The following ATP6V0E2 variants were observed in gnomAD, a reference collection of about 807,000 sequenced individuals.
ATP6V0E2 encodes the protein V-type proton ATPase subunit e 2.
A neutral mutation model predicts 11.5 loss-of-function variants in ATP6V0E2; 4 were observed. The observed-to-expected ratio is 0.35, with a 90% CI of 0.17 to 0.80. The LOEUF (loss-of-function observed/expected upper bound fraction) is 0.80, where lower values mean the gene tolerates loss of function less well. ATP6V0E2 is among the 30% of genes least tolerant of loss of function. The pLI is 0.53. For synonymous variants in ATP6V0E2, 52 were observed against 51.0 expected (o/e 1.02, Z -0.09); for missense variants, 93 against 113.5 (o/e 0.82, Z 0.82).
chr7:149,876,852 C>G (rs993175311), intron 2 of ATP6V0E2, among the ~76,000 whole-genome samples: 1 of 152,202 alleles, frequency 6.6e-6, no homozygotes, highest in Non-Finnish European at 1.5e-5. Context: ...GATGCTCATT[C>G]TTTAAGAGGT....
chr7:149,873,892 T>C (rs375739380), upstream of ATP6V0E2: 104 of 1,494,828 alleles, frequency 7.0e-5, no homozygotes, highest in African/African-American at 1.1e-3. Context: ...AGGTCCTGAG[T>C]GACAGCGCGG....
chr7:149,874,507 T>A, intron 1 of ATP6V0E2: 1 of 254,012 alleles, frequency 3.9e-6, no homozygotes, highest in East Asian at 8.8e-5. Flanking sequence ...ATATCAAGTC[T>A]CAGTTTCTTC....
At position 149,879,823 on chromosome 7, in the gene ATP6V0E2, T is replaced by A; in HGVS notation, c.*508T>A. 1 of 520,136 alleles carries A rather than the reference T, an allele frequency of 1.9e-6. No homozygotes were observed. Among genetic ancestry groups the A allele is most frequent in the Non-Finnish European group, 3.0e-6 (1 of 329,938 alleles). The allele number at this position is 520,136 out of a possible 1,614,324, so 32.2% of individuals were successfully genotyped here. On this transcript the variant is annotated 3_prime_UTR_variant, in exon 4 of 4. Transcript: ENST00000425642. The stretch of plus-strand genomic sequence containing the variant: ...GGCCTTTTCTCTGGCATGGAATTGT[T>A]AATTTTCTGACACGTCTAGATGTGA...
rs995721384 is a variant in ATP6V0E2, at chr7:149,879,768, C to A, written c.*453C>A. ...AGCTCTGCCACCATCCTGCTGGGAA[C>A]TGGGGGGGCCTCTATTGGGTTATAG... On this transcript the variant is annotated 3_prime_UTR_variant, in exon 4 of 4. Coordinates refer to ENST00000425642, the MANE Select transcript of ATP6V0E2 (RefSeq NM_145230.4). 2 of 991,762 alleles carry A rather than the reference C, an allele frequency of 2.0e-6. No homozygotes were observed. The highest frequency in any genetic ancestry group is 1.3e-6 in the Non-Finnish European group (1 of 743,742). The allele number at this position is 991,762 out of a possible 1,614,324, so 61.4% of individuals were successfully genotyped here.
upstream of ATP6V0E2, chr7:149,873,188 G>C (rs190728024): frequency 6.6e-6 from 1 of 152,262 alleles, no homozygotes; most frequent in Non-Finnish European, 1.5e-5. Context: ...CAGCAACCTT[G>C]TAAGAAGGGC....
upstream of ATP6V0E2, chr7:149,873,956 G>GTGCTCGACTCCTGTTGCGCA: frequency 6.5e-7 from 1 of 1,544,760 alleles, no homozygotes. Context: ...ATCGCTTCGG[G>GTGCTCGACTCCTGTTGCGCA]TGCTCGACTC....
chr7:149,879,163 C>T (rs552765835), intron 3 of ATP6V0E2, 172 bp from the exon 4 acceptor site: 2 of 1,401,064 alleles, frequency 1.4e-6, no homozygotes, highest in South Asian at 3.6e-5. Context: ...CCCATCCTCA[C>T]AGCGCTTCAC....
chr7:149,874,372 T>C (rs1228901575), intron 1 of ATP6V0E2, among the ~76,000 whole-genome samples: 1 of 152,096 alleles, frequency 6.6e-6, no homozygotes, highest in African/African-American at 2.4e-5. Flanking sequence ...CGAGAGGGCA[T>C]ATCCAGAAGG....
At chr7:149,879,303 G>GC (rs750439367) in intron 3 of ATP6V0E2, 32 bp from the exon 4 acceptor site, 1 of 1,481,692 alleles carries the variant, frequency 6.7e-7, no homozygotes, top group African/African-American at 1.4e-5. Flanking sequence ...CCACTGCAAG[G>GC]CCGGGACCCT....
Position 149,880,275 on chromosome 7 carries a change from G to A in ATP6V0E2, c.*960G>A, listed in dbSNP as rs1803394884. ...GAATGGGGGCGTGCCAGCCTGGCAG[G>A]AGTGGGAAGCAACACGCAGGGGTCC... On this transcript the variant is annotated 3_prime_UTR_variant, in exon 4 of 4. Coordinates refer to ENST00000425642, the MANE Select transcript of ATP6V0E2 (RefSeq NM_145230.4). 1 of 153,036 alleles carries A rather than the reference G, an allele frequency of 6.5e-6. No individual in the cohort carries two copies. Among genetic ancestry groups the A allele is most frequent in the African/African-American group, 2.4e-5 (1 of 41,480 alleles). The allele number at this position is 153,036 out of a possible 1,614,324, so 9.5% of individuals were successfully genotyped here. A position where few individuals can be genotyped will look rare whatever the true frequency, so the allele number is the denominator to read the frequency against.
At chr7:149,874,542 A>C in intron 1 of ATP6V0E2, 2 of 204,222 alleles carry the variant, frequency 9.8e-6, no homozygotes, top group South Asian at 1.1e-4. Context: ...GATAATGTCG[A>C]CTCCTGCCTT....
rs1326207338 is a variant in ATP6V0E2, at chr7:149,878,802, G to A, written c.*19+12G>A. On this transcript the variant is annotated intron_variant, in intron 3 of 3. Transcript: ENST00000425642. ...CGCCCCCGACCCAGGTACTGTGTGG[G>A]CGAGGGGTGTGGGTGGGGAAGAGGG... is the stretch of plus-strand genomic sequence containing the variant. 1 of 1,610,406 alleles carries A rather than the reference G, an allele frequency of 6.2e-7. No homozygotes were observed. Among genetic ancestry groups the A allele is most frequent in the Admixed American group, 1.7e-5 (1 of 59,928 alleles).
At position 149,874,479 on chromosome 7, in the gene ATP6V0E2, C is replaced by T. The variant is rs116331135; in HGVS notation, c.104+310C>T. ...ACGCAGTTTCTCCACTCCTTGCTAG[C>T]TGTGTGACCTAGAGCCAATATCAAG... On this transcript the variant is annotated intron_variant, in intron 1 of 3. Transcript: ENST00000425642. 3,256 of 345,358 alleles carry T rather than the reference C, an allele frequency of 9.4e-3. 72 individuals carry two copies. Among genetic ancestry groups the T allele is most frequent in the South Asian group, 0.045 (1,042 of 22,906 alleles). 21.4% of individuals were successfully genotyped at this position (345,358 alleles called of 1,614,324 possible). A position where few individuals can be genotyped will look rare whatever the true frequency, so the allele number is the denominator to read the frequency against.
At chr7:149,879,169 T>C in intron 3 of ATP6V0E2, 166 bp from the exon 4 acceptor site, 14 of 1,398,892 alleles carry the variant, frequency 1.0e-5, no homozygotes, top group Non-Finnish European at 1.3e-5. Context: ...CTCACAGCGC[T>C]TCACCCCAAG....
At chr7:149,873,953 C>CG, upstream of ATP6V0E2, 1 of 1,544,076 alleles carries the variant, frequency 6.5e-7, no homozygotes, top group Non-Finnish European at 8.7e-7. Context: ...CTGATCGCTT[C>CG]GGGTGCTCGA....
chr7:149,878,549 T>A lies in ATP6V0E2; in HGVS notation c.153-129T>A, dbSNP rs6967083. 14 of 723,390 alleles carry A rather than the reference T, an allele frequency of 1.9e-5. No homozygotes were observed. In the South Asian group the frequency reaches 2.8e-4, roughly 15 times the overall value. The allele number at this position is 723,390 out of a possible 1,614,324, so 44.8% of individuals were successfully genotyped here. On this transcript the variant is annotated intron_variant, in intron 2 of 3. Transcript: ENST00000425642. ...GTGTGGATGGCTCCCTGGGCCCTTC[T>A]TCACCCTGGGAACACAGGCCCTGCC...
intron 1 of ATP6V0E2, 44 bp downstream of exon 1, chr7:149,874,213 C>G (rs1802997324): frequency 1.3e-6 from 2 of 1,512,412 alleles, no homozygotes; most frequent in South Asian, 2.5e-5. Flanking sequence ...CACCCCGGCC[C>G]CCTGGCCCGG....
At chr7:149,875,671 A>T in intron 2 of ATP6V0E2, 26 bp downstream of exon 2, 17 of 1,609,052 alleles carry the variant, frequency 1.1e-5, no homozygotes, top group Non-Finnish European at 1.4e-5. Flanking sequence ...CCCAGCTCAA[A>T]GTCAGCCAGT....
At chr7:149,878,425 G>A (rs1282207213) in intron 2 of ATP6V0E2, among the ~76,000 whole-genome samples, 2 of 152,118 alleles carry the variant, frequency 1.3e-5, no homozygotes, top group African/African-American at 4.8e-5. Context: ...TCTAACCCCA[G>A]GTTCAGCCCC....
Sources: allele counts gnomAD v4.1 joint callset (sites outside exome capture counted in the v4.1 genomes callset), GRCh38; gene constraint gnomAD v4.1.1; transcripts MANE v1.5; gene names NCBI Gene and HGNC (gene_info 2026-07-23, HGNC 2026-07-21).